Variants in TMEM117 observed in about 807,000 individuals in gnomAD.
TMEM117 encodes the protein transmembrane protein 117.
Under a neutral mutation model 52.4 loss-of-function variants are expected in TMEM117, and 27 were observed. The observed-to-expected ratio is 0.51, with a 90% confidence interval of 0.38 to 0.71. The LOEUF (loss-of-function observed/expected upper bound fraction) is 0.71, where lower values mean the gene tolerates loss of function less well. Ranked by LOEUF, TMEM117 falls within the 30% of genes least tolerant of loss-of-function variation. TMEM117 has a pLI of 0.00. For synonymous variants in TMEM117, 215 were observed against 206.3 expected (o/e 1.04, Z -0.36); for missense variants, 556 against 630.5 (o/e 0.88, Z 1.26).
intron 2 of TMEM117, among the ~76,000 whole-genome samples, chr12:43,895,784 T>C (rs1264614001): frequency 6.6e-6 from 1 of 152,248 alleles, no homozygotes; most frequent in Non-Finnish European, 1.5e-5. Context: ...CTAATGCTAA[T>C]GCTTAGTTTA....
downstream of TMEM117, among the ~76,000 whole-genome samples, chr12:44,392,808 C>T (rs1312938092): frequency 2.0e-5 from 3 of 151,654 alleles, no homozygotes; most frequent in Admixed American, 6.6e-5. Context: ...TACTCTAAGT[C>T]TACCCCAGGG....
At chr12:43,914,477 G>T (rs531845955) in intron 2 of TMEM117, among the ~76,000 whole-genome samples, 26 of 152,236 alleles carry the variant, frequency 1.7e-4, no homozygotes, top group African/African-American at 6.0e-4. Context: ...CCTTCTATGT[G>T]CCAAACACTG....
intron 3 of TMEM117, among the ~76,000 whole-genome samples, chr12:44,042,761 TACACACACACACACAC>T (rs61350418): frequency 4.3e-4 from 57 of 132,152 alleles, no homozygotes; most frequent in African/African-American, 1.3e-3. Flanking sequence ...CTTAATAAAC[TACACACACACACACAC>T]ACACACACAC....
intron 2 of TMEM117, among the ~76,000 whole-genome samples, chr12:43,863,163 T>C (rs547100635): frequency 6.6e-6 from 1 of 151,940 alleles, no homozygotes; most frequent in African/African-American, 2.4e-5. Flanking sequence ...CAAGAATTGC[T>C]TGAACCCGGG....
intron 2 of TMEM117, among the ~76,000 whole-genome samples, chr12:43,857,472 A>G (rs1240487397): frequency 7.3e-6 from 1 of 137,580 alleles, no homozygotes; most frequent in Non-Finnish European, 1.6e-5. Context: ...ATCACATGGA[A>G]TTACAGAAGG....
chr12:44,348,512 A>G (rs1214908991), intron 6 of TMEM117, among the ~76,000 whole-genome samples: 1 of 151,998 alleles, frequency 6.6e-6, no homozygotes, highest in Non-Finnish European at 1.5e-5. Flanking sequence ...ACATTCTGAT[A>G]ATACGTTCTT....
At chr12:44,392,681 A>G (rs1273021803), downstream of TMEM117, among the ~76,000 whole-genome samples, 2 of 61,960 alleles carry the variant, frequency 3.2e-5, no homozygotes, top group Non-Finnish European at 6.5e-5. Context: ...CCCTCCCCCC[A>G]CCCCACGACA....
At chr12:43,830,717 T>C in the TMEM117 span, among the ~76,000 whole-genome samples, 2 of 151,858 alleles carry the variant, frequency 1.3e-5, no homozygotes, top group Non-Finnish European at 2.9e-5. Context: ...AAAAACTCTG[T>C]GGGACATGAA....
intron 6 of TMEM117, among the ~76,000 whole-genome samples, chr12:44,327,116 C>T (rs980877059): frequency 1.1e-4 from 17 of 151,818 alleles, no homozygotes; most frequent in Non-Finnish European, 2.9e-5. Context: ...ACTGGGGCTA[C>T]AAAGGTAATT....
At chr12:43,815,430 A>G in the TMEM117 span, among the ~76,000 whole-genome samples, 9 of 152,190 alleles carry the variant, frequency 5.9e-5, no homozygotes, top group Admixed American at 1.3e-4. Flanking sequence ...CTGTCAATAG[A>G]ATACCCCAGT....
chr12:44,388,749 T>C lies in TMEM117; in HGVS notation c.*77T>C, dbSNP rs1162152841. ...TAAAAATTTAGTCTTTCCTTTTGTATATGTAAGGTTTACGTAGTGTTAGGT... is the reference window on the plus strand; with the variant it reads ...TAAAAATTTAGTCTTTCCTTTTGTACATGTAAGGTTTACGTAGTGTTAGGT... On this transcript the variant is annotated 3_prime_UTR_variant, in exon 8 of 8. Coordinates refer to ENST00000266534, the MANE Select transcript of TMEM117 (RefSeq NM_032256.3). 2.7e-6 allele frequency: 4 copies of C among 1,504,886 alleles called. No homozygotes were observed. Among genetic ancestry groups the C allele is most frequent in the Non-Finnish European group, 3.6e-6 (4 of 1,112,046 alleles). The allele number at this position is 1,504,886 out of a possible 1,614,324, so 93.2% of individuals were successfully genotyped here.
intron 2 of TMEM117, among the ~76,000 whole-genome samples, chr12:43,920,359 A>G (rs555390094): frequency 1.3e-5 from 2 of 152,090 alleles, no homozygotes; most frequent in African/African-American, 4.8e-5. Flanking sequence ...TAAAAATACA[A>G]AAAATTAGCC....
chr12:43,849,248 T>C (rs1007325189), intron 2 of TMEM117, among the ~76,000 whole-genome samples: 3 of 152,164 alleles, frequency 2.0e-5, no homozygotes, highest in African/African-American at 7.2e-5. Context: ...GACAAAACAG[T>C]AGATACCTGT....
At chr12:44,253,358 ATGT>A (rs1428604522) in intron 5 of TMEM117, among the ~76,000 whole-genome samples, 1 of 152,220 alleles carries the variant, frequency 6.6e-6, no homozygotes, top group Non-Finnish European at 1.5e-5. Flanking sequence ...TGAACTTAAA[ATGT>A]TGTCTTTTAT....
At chr12:43,868,504 A>G (rs540059033) in intron 2 of TMEM117, among the ~76,000 whole-genome samples, 2 of 151,808 alleles carry the variant, frequency 1.3e-5, no homozygotes, top group African/African-American at 4.8e-5. Flanking sequence ...GTGAGCTGAG[A>G]TGGTGCCACT....
intron 4 of TMEM117, among the ~76,000 whole-genome samples, chr12:44,171,047 G>A (rs1299234077): frequency 2.3e-5 from 3 of 131,090 alleles, no homozygotes; most frequent in South Asian, 2.3e-4. Context: ...ACGGAGTCTC[G>A]CTCTGTCGCC....
intron 3 of TMEM117, among the ~76,000 whole-genome samples, chr12:43,966,613 C>A (rs929075073): frequency 6.6e-6 from 1 of 152,138 alleles, no homozygotes; most frequent in Non-Finnish European, 1.5e-5. Context: ...TCACTTGTAA[C>A]TAATTTGCAG....
At chr12:44,307,103 G>T (rs892910530) in intron 6 of TMEM117, among the ~76,000 whole-genome samples, 4 of 152,162 alleles carry the variant, frequency 2.6e-5, no homozygotes, top group Admixed American at 2.0e-4. Flanking sequence ...GTGACTCTTG[G>T]TAGACTTTAT....
chr12:43,829,477 T>C, the TMEM117 span, among the ~76,000 whole-genome samples: 1 of 152,216 alleles, frequency 6.6e-6, no homozygotes, highest in Admixed American at 6.5e-5. Context: ...GTACTTTACA[T>C]GAAGTCAAGA....
Sources: allele counts gnomAD v4.1 joint callset (sites outside exome capture counted in the v4.1 genomes callset), GRCh38; gene constraint gnomAD v4.1.1; transcripts MANE v1.5; gene names NCBI Gene and HGNC (gene_info 2026-07-23, HGNC 2026-07-21).